Variants in KHDRBS2 observed in about 807,000 individuals in gnomAD.
KHDRBS2 encodes the protein KH domain-containing, RNA-binding, signal transduction-associated protein 2.
Under a neutral mutation model 44.3 loss-of-function variants are expected in KHDRBS2, and 26 were observed. That is an observed-to-expected ratio of 0.59 (90% CI 0.43 to 0.81). The LOEUF (loss-of-function observed/expected upper bound fraction) is 0.81, where lower values mean the gene tolerates loss of function less well. Among genes scored for constraint, KHDRBS2 ranks in the 40% least tolerant of loss-of-function variants. The probability of loss-of-function intolerance (pLI) is 0.00; values close to 1 mark genes in which losing one functional copy is unlikely to be tolerated. For synonymous variants in KHDRBS2, 194 were observed against 151.1 expected, an observed-to-expected ratio of 1.28 and a Z score of -2.08; for missense variants, 476 against 433.1, an observed-to-expected ratio of 1.10 and a Z score of -0.88.
chr6:61,982,400 G>T (rs1461694776), intron 3 of KHDRBS2, among the ~76,000 whole-genome samples: 1 of 152,012 alleles, frequency 6.6e-6, no homozygotes, highest in South Asian at 2.1e-4. Flanking sequence ...GGCCGGGCGC[G>T]GTGGCTCACG....
intron 6 of KHDRBS2, among the ~76,000 whole-genome samples, chr6:61,875,584 C>T (rs1300287248): frequency 6.6e-6 from 1 of 152,080 alleles, no homozygotes; most frequent in Admixed American, 6.6e-5. Context: ...CCTTCACAGA[C>T]CAAAGGAAAC....
chr6:61,569,444 C>T, the KHDRBS2 span, among the ~76,000 whole-genome samples: 1 of 152,184 alleles, frequency 6.6e-6, no homozygotes, highest in Non-Finnish European at 1.5e-5. Context: ...CTGGTGCTCT[C>T]TTTAAAATGC....
At chr6:62,018,157 T>C (rs1665676680) in intron 3 of KHDRBS2, among the ~76,000 whole-genome samples, 1 of 150,908 alleles carries the variant, frequency 6.6e-6, no homozygotes, top group Non-Finnish European at 1.5e-5. Context: ...CTACTTTTTT[T>C]TTTGAGACGG....
intron 3 of KHDRBS2, among the ~76,000 whole-genome samples, chr6:61,996,896 C>CCT (rs979893054): frequency 6.6e-6 from 1 of 151,198 alleles, no homozygotes; most frequent in African/African-American, 2.4e-5. Flanking sequence ...AATTCTCCTG[C>CCT]CTCAGCCTCT....
the KHDRBS2 span, among the ~76,000 whole-genome samples, chr6:61,664,374 G>T: frequency 2.6e-5 from 4 of 151,714 alleles, no homozygotes; most frequent in East Asian, 7.8e-4. Context: ...CAAATACTGG[G>T]AAAATTAGTT....
At chr6:61,616,075 C>A in the KHDRBS2 span, among the ~76,000 whole-genome samples, 1 of 152,230 alleles carries the variant, frequency 6.6e-6, no homozygotes, top group South Asian at 2.1e-4. Flanking sequence ...GATTATAGTT[C>A]TGTATCAAAA....
chr6:62,247,363 A>T (rs79009375), intron 1 of KHDRBS2, among the ~76,000 whole-genome samples: 151,796 of 151,796 alleles, frequency 1, 75,898 homozygotes, highest in Non-Finnish European at 1. Flanking sequence ...CCGCATTACT[A>T]GTGCGCCAGC....
intron 4 of KHDRBS2, among the ~76,000 whole-genome samples, chr6:61,965,590 C>T (rs1218024853): frequency 1.3e-5 from 2 of 151,844 alleles, no homozygotes; most frequent in African/African-American, 2.4e-5. Flanking sequence ...ATCTGATATT[C>T]TAAGAAGAGT....
At chr6:61,848,159 G>C (rs1794681734) in intron 6 of KHDRBS2, among the ~76,000 whole-genome samples, 1 of 151,862 alleles carries the variant, frequency 6.6e-6, no homozygotes, top group South Asian at 2.1e-4. Flanking sequence ...TGGGGTACAA[G>C]TCAAGGCAAG....
chr6:61,647,071 G>A, the KHDRBS2 span, among the ~76,000 whole-genome samples: 11 of 151,910 alleles, frequency 7.2e-5, no homozygotes, highest in African/African-American at 2.7e-4. Context: ...CACCCGCCTC[G>A]GCCTCCCAAA....
chr6:62,077,884 A>G (rs1796647986), intron 2 of KHDRBS2, among the ~76,000 whole-genome samples: 1 of 152,030 alleles, frequency 6.6e-6, no homozygotes, highest in African/African-American at 2.4e-5. Context: ...ATACATCAGA[A>G]ATGTACAGTG....
At chr6:61,774,610 GAA>G (rs1302278097) in intron 6 of KHDRBS2, among the ~76,000 whole-genome samples, 1 of 152,052 alleles carries the variant, frequency 6.6e-6, no homozygotes, top group Non-Finnish European at 1.5e-5. Context: ...TTGAATCTCT[GAA>G]TAGACCAATA....
At position 62,194,480 on chromosome 6, in the gene KHDRBS2, C is replaced by CTTTTTTTTTTTTTTTTTTTTTTTTTTTT. The variant is rs70996208; in HGVS notation, c.92-17196_92-17169dup. The stretch of plus-strand genomic sequence containing the variant: ...CACTTTCTTTTCTTTTCTTTTCTTC[C>CTTTTTTTTTTTTTTTTTTTTTTTTTTTT]TTTTTTTTTTTTTTTTTTTTTTTTT... On this transcript the variant is annotated intron_variant, in intron 1 of 8. Coordinates refer to ENST00000281156, the MANE Select transcript of KHDRBS2 (RefSeq NM_152688.4). Among the ~76,000 whole-genome samples, 8 of 69,770 alleles carry CTTTTTTTTTTTTTTTTTTTTTTTTTTTT rather than the reference C, an allele frequency of 1.1e-4. 1 individual carries two copies. The highest frequency in any genetic ancestry group is 1.5e-4 in the Non-Finnish European group (6 of 39,778). The allele number at this position is 69,770 out of a possible 152,430, so 45.8% of individuals were successfully genotyped here.
the KHDRBS2 span, among the ~76,000 whole-genome samples, chr6:61,655,221 T>TACACACACACACAC: frequency 8.9e-6 from 1 of 112,168 alleles, no homozygotes; most frequent in African/African-American, 3.2e-5. Context: ...AATACATACA[T>TACACACACACACAC]ACATACACAC....
chr6:61,952,924 G>T (rs1254692964), intron 4 of KHDRBS2, among the ~76,000 whole-genome samples: 1 of 151,664 alleles, frequency 6.6e-6, no homozygotes, highest in African/African-American at 2.4e-5. Context: ...TCTGTCTTGG[G>T]GAGCTCTGTT....
At chr6:62,243,080 A>C (rs185014470) in intron 1 of KHDRBS2, among the ~76,000 whole-genome samples, 8 of 152,314 alleles carry the variant, frequency 5.3e-5, no homozygotes, top group Admixed American at 1.3e-4. Context: ...TACAGGGCTC[A>C]GTGTTACCTG....
intron 2 of KHDRBS2, among the ~76,000 whole-genome samples, chr6:62,092,307 T>A (rs1799641563): frequency 6.6e-6 from 1 of 152,140 alleles, no homozygotes; most frequent in Non-Finnish European, 1.5e-5. Flanking sequence ...CAAATCATAT[T>A]CTTGAGAGTA....
chr6:62,258,404 A>G (rs1837775027), intron 1 of KHDRBS2, among the ~76,000 whole-genome samples: 1 of 152,016 alleles, frequency 6.6e-6, no homozygotes, highest in Non-Finnish European at 1.5e-5. Flanking sequence ...TTTTCATTGT[A>G]TTAATGGTAT....
chr6:61,553,741 T>G, the KHDRBS2 span, among the ~76,000 whole-genome samples: 1 of 152,324 alleles, frequency 6.6e-6, no homozygotes, highest in African/African-American at 2.4e-5. Flanking sequence ...GATTTCTGCC[T>G]TGATTTCATT....
Sources: allele counts gnomAD v4.1 joint callset (sites outside exome capture counted in the v4.1 genomes callset), GRCh38; gene constraint gnomAD v4.1.1; transcripts MANE v1.5; gene names NCBI Gene and HGNC (gene_info 2026-07-23, HGNC 2026-07-21).